Variants in SDK1 observed in about 807,000 individuals in gnomAD.
SDK1 encodes protein sidekick-1.
SDK1 carries 157 observed loss-of-function variants against 245.5 expected under a neutral mutation model. The observed-to-expected ratio is 0.64, with a 90% CI of 0.56 to 0.73. The LOEUF (loss-of-function observed/expected upper bound fraction) is 0.73, where lower values mean the gene tolerates loss of function less well. Among genes scored for constraint, SDK1 ranks in the 30% least tolerant of loss-of-function variants. The pLI, the probability that SDK1 is intolerant of heterozygous loss-of-function variation, is 0.00. For missense variants in SDK1, 3,583 were observed against 3,002.3 expected (o/e 1.19, Z -4.52); for synonymous variants, 1,647 against 1,278.5 (o/e 1.29, Z -6.15).
chr7:3,442,850 T>G (rs942965036), intron 1 of SDK1, among the ~76,000 whole-genome samples: 1 of 152,208 alleles, frequency 6.6e-6, no homozygotes, highest in Non-Finnish European at 1.5e-5. Flanking sequence ...GTGAATTACT[T>G]GTTCTACTCA....
intron 22 of SDK1, among the ~76,000 whole-genome samples, chr7:4,099,049 G>A (rs1186309368): frequency 1.4e-4 from 22 of 151,852 alleles, no homozygotes; most frequent in Admixed American, 1.4e-3. Context: ...GGGAGTATGT[G>A]AAAGCAAATG....
intron 1 of SDK1, among the ~76,000 whole-genome samples, chr7:3,489,246 C>T (rs145143803): frequency 1.4e-3 from 217 of 152,286 alleles, no homozygotes; most frequent in African/African-American, 5.1e-3. Flanking sequence ...CAGTTGAATA[C>T]TTTATTAGCC....
chr7:3,959,345 C>T (rs539519378), intron 8 of SDK1, among the ~76,000 whole-genome samples: 2 of 152,172 alleles, frequency 1.3e-5, no homozygotes, highest in Non-Finnish European at 2.9e-5. Context: ...TGTGACCCCC[C>T]GAGATTCGGG....
chr7:3,517,947 A>T (rs67253031), intron 1 of SDK1, among the ~76,000 whole-genome samples: 39,876 of 151,948 alleles, frequency 0.26, 5,424 homozygotes, highest in East Asian at 0.34. Flanking sequence ...ATTCATTTGA[A>T]GTTTTTTGTG....
chr7:3,774,782 T>C (rs1218052342), intron 4 of SDK1, among the ~76,000 whole-genome samples: 1 of 152,218 alleles, frequency 6.6e-6, no homozygotes, highest in African/African-American at 2.4e-5. Context: ...TTCTCCTGAA[T>C]GTTACTCTTT....
intron 28 of SDK1, among the ~76,000 whole-genome samples, chr7:4,135,269 G>C (rs1215415723): frequency 6.6e-6 from 1 of 152,182 alleles, no homozygotes; most frequent in African/African-American, 2.4e-5. Flanking sequence ...TTTACATGAG[G>C]ATCTGGAGAA....
chr7:3,469,746 C>G (rs996309410), intron 1 of SDK1, among the ~76,000 whole-genome samples: 5 of 152,082 alleles, frequency 3.3e-5, no homozygotes, highest in Non-Finnish European at 7.4e-5. Context: ...ACACATCTGC[C>G]TTAGTGAGGC....
chr7:3,817,005 A>G (rs751226387), intron 4 of SDK1, among the ~76,000 whole-genome samples: 5 of 152,328 alleles, frequency 3.3e-5, no homozygotes, highest in South Asian at 2.1e-4. Context: ...TTATGCTTCT[A>G]TGTTTAATGG....
intron 5 of SDK1, among the ~76,000 whole-genome samples, chr7:3,903,149 G>A (rs372828864): frequency 7.0e-6 from 1 of 142,358 alleles, no homozygotes; most frequent in Non-Finnish European, 1.5e-5. Context: ...TTTTTGTTTT[G>A]TTTTTTTTTT....
At chr7:3,841,355 G>T (rs1780152447) in intron 5 of SDK1, among the ~76,000 whole-genome samples, 1 of 152,156 alleles carries the variant, frequency 6.6e-6, no homozygotes, top group Admixed American at 6.5e-5. Context: ...GATTCTGTGT[G>T]AGTCAGTGCA....
intron 22 of SDK1, among the ~76,000 whole-genome samples, chr7:4,081,459 C>A (rs1013718891): frequency 6.6e-6 from 1 of 151,600 alleles, no homozygotes; most frequent in African/African-American, 2.4e-5. Flanking sequence ...CTTGCTCTGT[C>A]GCCAAGCTGG....
intron 4 of SDK1, among the ~76,000 whole-genome samples, chr7:3,771,698 G>A (rs968041279): frequency 3.9e-5 from 6 of 151,980 alleles, no homozygotes; most frequent in African/African-American, 1.5e-4. Flanking sequence ...TTTTTCAAAT[G>A]TCCTTTTAAA....
intron 22 of SDK1, among the ~76,000 whole-genome samples, chr7:4,099,171 G>A (rs571223528): frequency 6.6e-6 from 1 of 152,132 alleles, no homozygotes; most frequent in Admixed American, 6.5e-5. Flanking sequence ...ACAGAGAAGA[G>A]AGGAATGAAA....
chr7:3,500,930 T>A (rs976137603), intron 1 of SDK1, among the ~76,000 whole-genome samples: 6 of 152,138 alleles, frequency 3.9e-5, no homozygotes, highest in African/African-American at 1.4e-4. Flanking sequence ...TCTTGCAGCA[T>A]CCTATTCTTA....
At chr7:4,124,585 T>G (rs1347973527) in intron 25 of SDK1, among the ~76,000 whole-genome samples, 2 of 152,184 alleles carry the variant, frequency 1.3e-5, no homozygotes, top group Non-Finnish European at 2.9e-5. Flanking sequence ...TGTCTCCAAA[T>G]AAGGTCACCT....
chr7:3,899,430 G>T (rs1781708769), intron 5 of SDK1, among the ~76,000 whole-genome samples: 1 of 152,220 alleles, frequency 6.6e-6, no homozygotes, highest in Non-Finnish European at 1.5e-5. Context: ...GCAACTTACA[G>T]GATAATCACT....
At chr7:3,991,436 C>T (rs979716979) in intron 14 of SDK1, among the ~76,000 whole-genome samples, 7 of 152,110 alleles carry the variant, frequency 4.6e-5, no homozygotes, top group East Asian at 1.9e-4. Flanking sequence ...TGCGCACCTG[C>T]GACGTAACTC....
intron 1 of SDK1, among the ~76,000 whole-genome samples, chr7:3,442,963 A>C (rs1780239074): frequency 6.6e-6 from 1 of 152,184 alleles, no homozygotes; most frequent in Non-Finnish European, 1.5e-5. Context: ...AGCCTGCTCT[A>C]TAAAGGATGT....
chr7:3,420,096 T>G (rs1032386232), intron 1 of SDK1, among the ~76,000 whole-genome samples: 1 of 152,180 alleles, frequency 6.6e-6, no homozygotes, highest in East Asian at 1.9e-4. Flanking sequence ...CATACTTCTG[T>G]GCAAAGGAAA....
Sources: gnomAD v4.1 joint callset for allele counts (sites outside exome capture counted in the v4.1 genomes callset) on GRCh38, gnomAD v4.1.1 for gene constraint, MANE v1.5 for transcripts, NCBI Gene and HGNC (gene_info 2026-07-23, HGNC 2026-07-21) for gene names.